HPSE2: variants seen among roughly 807,000 people sequenced by gnomAD.
HPSE2 encodes the protein heparanase 2 (inactive).
A neutral mutation model predicts 60.5 loss-of-function variants in HPSE2; 38 were observed. The observed-to-expected ratio is 0.63, with a 90% CI of 0.48 to 0.82. HPSE2 has a LOEUF of 0.82. Ranked by LOEUF, HPSE2 falls within the 40% of genes least tolerant of loss-of-function variation. The pLI, the probability that HPSE2 is intolerant of heterozygous loss-of-function variation, is 0.00. For synonymous variants in HPSE2, 295 were observed against 293.2 expected (o/e 1.01, Z -0.06); for missense variants, 713 against 740.4 (o/e 0.96, Z 0.43).
At chr10:98,839,775 C>T (rs569904034) in intron 3 of HPSE2, among the ~76,000 whole-genome samples, 33 of 152,276 alleles carry the variant, frequency 2.2e-4, no homozygotes, top group Admixed American at 7.2e-4. Context: ...ATGGGCACAT[C>T]TGTGGATCCC....
chr10:98,741,957 G>A (rs1949507868), intron 4 of HPSE2, among the ~76,000 whole-genome samples: 1 of 152,138 alleles, frequency 6.6e-6, no homozygotes, highest in Admixed American at 6.6e-5. Flanking sequence ...GAGTGGTCAT[G>A]AGTATACAAC....
At chr10:98,634,919 T>C (rs918088829) in intron 7 of HPSE2, among the ~76,000 whole-genome samples, 1 of 152,318 alleles carries the variant, frequency 6.6e-6, no homozygotes, top group Admixed American at 6.5e-5. Context: ...AGCCTCAATG[T>C]CACTTTCTCT....
At chr10:99,041,526 C>G (rs1004844139) in intron 3 of HPSE2, among the ~76,000 whole-genome samples, 1 of 152,138 alleles carries the variant, frequency 6.6e-6, no homozygotes, top group Non-Finnish European at 1.5e-5. Context: ...GGAGTCTGAA[C>G]AGAACTACCC....
intron 3 of HPSE2, among the ~76,000 whole-genome samples, chr10:98,978,753 A>G (rs1956142868): frequency 6.6e-6 from 1 of 152,166 alleles, no homozygotes; most frequent in Non-Finnish European, 1.5e-5. Context: ...TGCATACAAA[A>G]CTGTGGTTTG....
At chr10:98,546,459 T>C (rs1278005581) in intron 9 of HPSE2, among the ~76,000 whole-genome samples, 1 of 150,194 alleles carries the variant, frequency 6.7e-6, no homozygotes, top group Non-Finnish European at 1.5e-5. Flanking sequence ...AACAGAGATA[T>C]AGATCAATGG....
At chr10:99,112,407 TTTTTGTTGTGTTTTG>T (rs1844499027) in intron 3 of HPSE2, among the ~76,000 whole-genome samples, 1 of 130,746 alleles carries the variant, frequency 7.6e-6, no homozygotes, top group Non-Finnish European at 1.6e-5. Flanking sequence ...GCCCGGCTTT[TTTTTGTTGTGTTTTG>T]TTTTGTTTTG....
At chr10:98,871,029 G>C (rs1250482692) in intron 3 of HPSE2, among the ~76,000 whole-genome samples, 2 of 151,372 alleles carry the variant, frequency 1.3e-5, no homozygotes, top group Non-Finnish European at 2.9e-5. Context: ...TTTCCCTTCT[G>C]CCATGATTGT....
rs146160903 is a variant in HPSE2 at position 98,481,521 on chromosome 10, C to A, written c.1613+1115G>T. On this transcript the variant is annotated intron_variant, in intron 11 of 11. Coordinates refer to ENST00000370552, the MANE Select transcript of HPSE2 (RefSeq NM_021828.5). ...TAGAGTCCTGCTGACATAGGTAGGA[C>A]CGGGAAGAAAGAAAAACAGACGCAA... Among the ~76,000 whole-genome samples the A allele has an allele frequency of 1.1e-3, 168 of 152,078 alleles. 1 individual carries two copies. Among genetic ancestry groups the A allele is most frequent in the African/African-American group, 3.9e-3 (162 of 41,474 alleles).
intron 3 of HPSE2, among the ~76,000 whole-genome samples, chr10:98,882,543 C>T (rs188079092): frequency 6.6e-6 from 1 of 152,070 alleles, no homozygotes; most frequent in Admixed American, 6.5e-5. Flanking sequence ...GGGGCATGTT[C>T]TTATAGAAGA....
chr10:98,860,708 C>T (rs1398233386), intron 3 of HPSE2, among the ~76,000 whole-genome samples: 2 of 152,184 alleles, frequency 1.3e-5, no homozygotes, highest in South Asian at 2.1e-4. Context: ...AGGCTATAAC[C>T]TCTTTTGCAA....
At chr10:98,908,222 G>A (rs1003575463) in intron 3 of HPSE2, among the ~76,000 whole-genome samples, 12 of 152,104 alleles carry the variant, frequency 7.9e-5, no homozygotes, top group African/African-American at 2.9e-4. Flanking sequence ...AAGAAGTTAA[G>A]CAAAATGTGA....
At position 99,092,388 on chromosome 10, in the gene HPSE2, C is replaced by CT. The variant is rs533326646; in HGVS notation, c.610+51849dup. ...CAGTAAGTATTGTGACTCAACTAAT[C>CT]TATTACTCTAAAAATGGTAAACTGT... is the stretch of plus-strand genomic sequence containing the variant. On this transcript the variant is annotated intron_variant, in intron 3 of 11. Coordinates refer to ENST00000370552, the MANE Select transcript of HPSE2 (RefSeq NM_021828.5). Among the ~76,000 whole-genome samples, 56 of 152,262 alleles carry CT rather than the reference C, an allele frequency of 3.7e-4. 1 individual carries two copies. The East Asian group carries it at 4.2e-3, about 12-fold the overall frequency.
the HPSE2 span, among the ~76,000 whole-genome samples, chr10:99,265,231 C>T: frequency 5.9e-5 from 9 of 152,306 alleles, no homozygotes; most frequent in Middle Eastern, 3.4e-3. Flanking sequence ...GTCCTTTGTA[C>T]GCCTAACCCA....
At chr10:98,875,916 C>G (rs1198750698) in intron 3 of HPSE2, among the ~76,000 whole-genome samples, 5 of 151,866 alleles carry the variant, frequency 3.3e-5, no homozygotes, top group Non-Finnish European at 5.9e-5. Flanking sequence ...TAATATACTA[C>G]AGTAGTTAGG....
chr10:98,879,703 T>C (rs891711660), intron 3 of HPSE2, among the ~76,000 whole-genome samples: 2 of 152,020 alleles, frequency 1.3e-5, no homozygotes, highest in Non-Finnish European at 2.9e-5. Flanking sequence ...ATGTGAATCA[T>C]TTTCAGGCAC....
chr10:98,470,856 G>T (rs1940751646), intron 11 of HPSE2, among the ~76,000 whole-genome samples: 1 of 152,192 alleles, frequency 6.6e-6, no homozygotes, highest in South Asian at 2.1e-4. Context: ...CAGCTGCTGG[G>T]AGTGAACTGG....
chr10:98,865,807 C>CG (rs1303104582), intron 3 of HPSE2, among the ~76,000 whole-genome samples: 3 of 152,004 alleles, frequency 2.0e-5, no homozygotes, highest in African/African-American at 7.2e-5. Context: ...GGGCATTAGA[C>CG]GGAGTACTCA....
chr10:98,804,659 G>A (rs1031687723), intron 3 of HPSE2, among the ~76,000 whole-genome samples: 27 of 152,026 alleles, frequency 1.8e-4, no homozygotes, highest in African/African-American at 4.6e-4. Flanking sequence ...TATACGGTAC[G>A]GAAATGCTCC....
chr10:98,675,321 C>T (rs1947608716), intron 6 of HPSE2, among the ~76,000 whole-genome samples: 1 of 152,128 alleles, frequency 6.6e-6, no homozygotes. Context: ...CAATAAATGA[C>T]TTGTCCAAGA....
Sources: gnomAD v4.1 joint callset for allele counts (sites outside exome capture counted in the v4.1 genomes callset) on GRCh38, gnomAD v4.1.1 for gene constraint, MANE v1.5 for transcripts, NCBI Gene and HGNC (gene_info 2026-07-23, HGNC 2026-07-21) for gene names.